The following PKHD1 variants were observed in gnomAD, a reference collection of about 807,000 sequenced individuals.
PKHD1 encodes fibrocystin.
A neutral mutation model predicts 412.0 loss-of-function variants in PKHD1; 291 were observed. That is an observed-to-expected ratio of 0.71 (90% CI 0.64 to 0.78). The LOEUF (loss-of-function observed/expected upper bound fraction) is 0.78, where lower values mean the gene tolerates loss of function less well. Among genes scored for constraint, PKHD1 ranks in the 30% least tolerant of loss-of-function variants. PKHD1 has a pLI of 0.00. For missense variants in PKHD1, 4,825 were observed against 4,950.7 expected, an observed-to-expected ratio of 0.97 and a Z score of 0.76; for synonymous variants, 1,777 against 1,821.5, an observed-to-expected ratio of 0.98 and a Z score of 0.62.
intron 63 of PKHD1, among the ~76,000 whole-genome samples, chr6:51,645,496 G>T (rs1302524395): frequency 1.3e-5 from 2 of 152,130 alleles, no homozygotes; most frequent in Admixed American, 1.3e-4. Context: ...GGGTTCAAGT[G>T]ATTCTCGTGC....
intron 36 of PKHD1, among the ~76,000 whole-genome samples, chr6:51,936,229 A>T (rs1787457359): frequency 6.6e-6 from 1 of 152,184 alleles, no homozygotes; most frequent in African/African-American, 2.4e-5. Flanking sequence ...CTATTTCCTT[A>T]TATACAAACA....
In PKHD1 at chr6:51,934,336, G is replaced by A. The variant is rs1787134679; in HGVS notation, c.5909-14C>T. 6 of 1,581,836 alleles carry A rather than the reference G, an allele frequency of 3.8e-6. No homozygotes were observed. Among genetic ancestry groups the A allele is most frequent in the Non-Finnish European group, 5.2e-6 (6 of 1,152,188 alleles). The stretch of plus-strand genomic sequence containing the variant: ...TCAGCTTGCCCCCTAATGGACAAAG[G>A]GAAAATTGTCAGTCCCTGGGAGGAT... On this transcript the variant is annotated splice_polypyrimidine_tract_variant and intron_variant, in intron 36 of 66. Coordinates refer to ENST00000371117, the MANE Select transcript of PKHD1 (RefSeq NM_138694.4).
chr6:51,925,181 G>A (rs986994855), intron 37 of PKHD1, among the ~76,000 whole-genome samples: 16 of 152,164 alleles, frequency 1.1e-4, no homozygotes, highest in African/African-American at 3.1e-4. Flanking sequence ...GATGCAGAAC[G>A]CCAGCAAAGA....
rs1397194257 is a variant in PKHD1, at chr6:52,056,725, T to G, written c.1666A>C (p.Ile556Leu). Residue 556 changes from isoleucine (I) to leucine (L), a missense_variant, in exon 18 of 67, where the codon ATC becomes CTC. Ile to Leu is a conservative substitution (Grantham distance 5). Coordinates refer to ENST00000371117, the MANE Select transcript of PKHD1 (RefSeq NM_138694.4). ...KCKLEPLWSN[I>L]LLRLGFERGP... is the part of the protein sequence containing the mutation. Reference sequence around the variant, plus strand: ...CGTTCAAATCCAAGCCGGAGAAGGATGTTAGACCAAAGGGGTTCCAGTTTG... The same window carrying G: ...CGTTCAAATCCAAGCCGGAGAAGGAGGTTAGACCAAAGGGGTTCCAGTTTG... 1 of 1,613,648 alleles carries G rather than the reference T, an allele frequency of 6.2e-7. No homozygotes were observed. Among genetic ancestry groups the G allele is most frequent in the South Asian group, 1.1e-5 (1 of 91,072 alleles).
At position 51,723,414 on chromosome 6, in the gene PKHD1, G is replaced by T. The variant is rs181091977; in HGVS notation, c.10156+20971C>A. ...CCCAACATGCGTGATCCTGTTTGGAGTTGGGAATGTAGGGAATCTGGCCTT... is the reference window on the plus strand; with the variant it reads ...CCCAACATGCGTGATCCTGTTTGGATTTGGGAATGTAGGGAATCTGGCCTT... On this transcript the variant is annotated intron_variant, in intron 60 of 66. Coordinates refer to ENST00000371117, the MANE Select transcript of PKHD1 (RefSeq NM_138694.4). Among the ~76,000 whole-genome samples, 53 of 152,292 alleles carry T rather than the reference G, an allele frequency of 3.5e-4. 2 individuals carry two copies. In the East Asian group the frequency reaches 9.8e-3, roughly 28 times the overall value.
intron 9 of PKHD1, 104 bp from the exon 10 acceptor site, chr6:52,070,549 AC>A: frequency 1.2e-6 from 1 of 806,806 alleles, no homozygotes; most frequent in Non-Finnish European, 2.1e-6. Context: ...TCAAATTACC[AC>A]CCAAACCTGT....
intron 60 of PKHD1, among the ~76,000 whole-genome samples, chr6:51,730,288 C>T (rs948257196): frequency 7.9e-5 from 12 of 152,052 alleles, no homozygotes; most frequent in Non-Finnish European, 1.8e-4. Flanking sequence ...AAAGAAGTAT[C>T]CCTGTAACTC....
rs1348908757 is a variant in PKHD1, at chr6:51,706,657, T to C, written c.10156+37728A>G. 2.0e-5 allele frequency among the ~76,000 whole-genome samples: 3 copies of C among 152,164 alleles called. No homozygotes were observed. The East Asian group carries it at 5.8e-4, about 29-fold the overall frequency. ...CCCTAAACTCTGTCCCATTTTGTCA[T>C]CTGTCCATTAACACCTTTTCCCTAC... On this transcript the variant is annotated intron_variant, in intron 60 of 66. Transcript: ENST00000371117.
intron 60 of PKHD1, among the ~76,000 whole-genome samples, chr6:51,696,515 C>A (rs749824244): frequency 1.3e-5 from 2 of 152,204 alleles, no homozygotes; most frequent in Non-Finnish European, 2.9e-5. Flanking sequence ...TGTGCAACCT[C>A]CCCTGATCCA....
intron 53 of PKHD1, among the ~76,000 whole-genome samples, chr6:51,788,118 G>T (rs1793169240): frequency 6.6e-6 from 1 of 152,102 alleles, no homozygotes; most frequent in African/African-American, 2.4e-5. Context: ...CAAAACCCAA[G>T]GGAAAGCAAA....
At position 51,982,890 on chromosome 6, in the gene PKHD1, TA is replaced by T. The variant is rs761826670; in HGVS notation, c.5752-22865del. On this transcript the variant is annotated intron_variant, in intron 35 of 66. Coordinates refer to ENST00000371117, the MANE Select transcript of PKHD1 (RefSeq NM_138694.4). ...TAAAATAAAATAAAATAAAATAAAA[TA>T]AAAAAAAGAGAGGCTCCAAAGTATC... 4.9e-3 allele frequency among the ~76,000 whole-genome samples: 185 copies of T among 37,642 alleles called. 1 individual carries two copies. The highest frequency in any genetic ancestry group is 0.023 in the Middle Eastern group (2 of 88). 24.7% of individuals were successfully genotyped at this position (37,642 alleles called of 152,430 possible).
rs1282660796 is a variant in PKHD1, at chr6:51,748,252, C to T, written c.9364G>A (p.Val3122Met). 6 of 1,614,086 alleles carry T rather than the reference C, an allele frequency of 3.7e-6. No individual in the cohort carries two copies. The Admixed American group carries it at 6.7e-5, about 18-fold the overall frequency. The change falls in exon 58 of 67, where the codon GTG becomes ATG. Residue 3122 changes from valine (V) to methionine (M), a missense_variant. By Grantham distance (21) the Val-to-Met change is conservative. Coordinates refer to ENST00000371117, the MANE Select transcript of PKHD1 (RefSeq NM_138694.4). The stretch of plus-strand genomic sequence containing the variant: ...AGGCCATGAAGACTTGAATGCGCCA[C>T]ATTGTCAGACCAAAGCAGTTCACAA... ...SSCELLWSDN[V>M]AHSSLHGLHL...
At chr6:51,634,918 T>G (rs1441655369) in intron 64 of PKHD1, among the ~76,000 whole-genome samples, 1 of 152,090 alleles carries the variant, frequency 6.6e-6, no homozygotes, top group Non-Finnish European at 1.5e-5. Context: ...AAAAGATTCT[T>G]TTTTATTTTT....
intron 43 of PKHD1, among the ~76,000 whole-genome samples, chr6:51,899,635 C>G (rs1400355142): frequency 1.3e-5 from 2 of 151,364 alleles, no homozygotes; most frequent in African/African-American, 4.9e-5. Flanking sequence ...CTCACCACTC[C>G]TATTCAACAT....
intron 35 of PKHD1, among the ~76,000 whole-genome samples, chr6:51,989,908 G>GAAGGAAGGAAGGAAAGAAGGAAGGAAGGA (rs1796713861): frequency 1.1e-5 from 1 of 88,712 alleles, no homozygotes; most frequent in Non-Finnish European, 2.4e-5. Context: ...AGGGAGGAAG[G>GAAGGAAGGAAGGAAAGAAGGAAGGAAGGA]AAGGAAGGAA....
chr6:52,064,702 G>T (rs955249122), intron 13 of PKHD1, among the ~76,000 whole-genome samples: 3 of 151,700 alleles, frequency 2.0e-5, no homozygotes, highest in African/African-American at 7.3e-5. Context: ...ATGCTTTCTA[G>T]ACCATGGTCT....
chr6:51,898,793 A>G (rs1020454187), intron 43 of PKHD1, among the ~76,000 whole-genome samples: 1 of 147,512 alleles, frequency 6.8e-6, no homozygotes, highest in African/African-American at 2.5e-5. Flanking sequence ...AAAAAAAGAG[A>G]GAAGAATCAA....
In PKHD1 at chr6:51,791,359, C is replaced by A. The variant is rs747322128; in HGVS notation, c.8317G>T (p.Val2773Leu). ...VLILPNRTVL[V>L]DTDLPFFKGL... Reference sequence around the variant, plus strand: ...TTGAAGAATGGAAGATCTGTATCCACAAGGACAGTTCTGTCTGTGGAAGAA... The same window carrying A: ...TTGAAGAATGGAAGATCTGTATCCAAAAGGACAGTTCTGTCTGTGGAAGAA... Residue 2773 changes from valine to leucine, a missense_variant, in exon 53 of 67, where the codon GTG (valine) becomes TTG (leucine). Physicochemically the swap from Val to Leu is conservative, Grantham distance 32 (BLOSUM62 1). Transcript: ENST00000371117. 74 of 1,613,530 alleles carry A rather than the reference C, an allele frequency of 4.6e-5. No homozygotes were observed. Among genetic ancestry groups the A allele is most frequent in the Non-Finnish European group, 6.1e-5 (72 of 1,179,622 alleles).
In PKHD1 at chr6:52,084,873, T is replaced by G; in HGVS notation, c.52+9A>C. On this transcript the variant is annotated intron_variant, in intron 2 of 66. Transcript: ENST00000371117. ...TACCTATAATTCCTTCAAAACACATTCTACTGACCTGCCAAAAGTAGTACT... is the reference window on the plus strand; with the variant it reads ...TACCTATAATTCCTTCAAAACACATGCTACTGACCTGCCAAAAGTAGTACT... 1 of 1,566,440 alleles carries G rather than the reference T, an allele frequency of 6.4e-7. No homozygotes were observed. Among genetic ancestry groups the G allele is most frequent in the Non-Finnish European group, 8.8e-7 (1 of 1,136,672 alleles).
Sources: allele counts gnomAD v4.1 joint callset (sites outside exome capture counted in the v4.1 genomes callset), GRCh38; gene constraint gnomAD v4.1.1; transcripts MANE v1.5; gene names NCBI Gene and HGNC (gene_info 2026-07-23, HGNC 2026-07-21).